BACE1: variants seen among roughly 807,000 people sequenced by gnomAD.
BACE1 encodes beta-secretase 1, also known as APP beta-secretase.
In BACE1, 21 loss-of-function variants were observed where a neutral mutation model predicts 54.0. The ratio of observed to expected loss-of-function variants is 0.39; its 90% CI spans 0.28 to 0.56. The LOEUF (loss-of-function observed/expected upper bound fraction) is 0.56. Ranked by LOEUF, BACE1 falls within the 20% of genes least tolerant of loss-of-function variation. BACE1 has a pLI of 0.63. For synonymous variants in BACE1, 232 were observed against 260.9 expected (o/e 0.89, Z 1.07); for missense variants, 511 against 661.2 (o/e 0.77, Z 2.49).
chr11:117,301,007 C>T (rs189803248), intron 1 of BACE1, among the ~76,000 whole-genome samples: 1 of 152,322 alleles, frequency 6.6e-6, no homozygotes, highest in Non-Finnish European at 1.5e-5. Flanking sequence ...CATTCTAAAA[C>T]TGGGTTTCGC....
rs758877731 is a variant in BACE1 at position 117,295,538 on chromosome 11, A to T, written c.351-191T>A. On this transcript the variant is annotated intron_variant, in intron 2 of 8. Transcript: ENST00000313005. ...GTAAAGTGGGCTTGCAGATAGATGA[A>T]GGGAACCATTGGTGAGGCTTGCTCT... 36 of 1,535,756 alleles carry T rather than the reference A, an allele frequency of 2.3e-5. No individual in the cohort carries two copies. The East Asian group carries it at 8.1e-4, about 34-fold the overall frequency.
At chr11:117,291,123 T>C in intron 6 of BACE1, 74 bp from the exon 7 acceptor site, 1 of 1,531,186 alleles carries the variant, frequency 6.5e-7, no homozygotes, top group South Asian at 1.2e-5. Flanking sequence ...TTCAGATACA[T>C]TAACTGGGCC....
chr11:117,303,003 C>T (rs1238825187), intron 1 of BACE1, among the ~76,000 whole-genome samples: 1 of 152,138 alleles, frequency 6.6e-6, no homozygotes, highest in Non-Finnish European at 1.5e-5. Context: ...TAAGGTATCA[C>T]GGTGCCTAGC....
chr11:117,307,935 G>A (rs1272414678), intron 1 of BACE1, among the ~76,000 whole-genome samples: 2 of 151,854 alleles, frequency 1.3e-5, no homozygotes, highest in Non-Finnish European at 2.9e-5. Context: ...CTTTGAGCTC[G>A]ATGGTTTTCA....
At position 117,293,388 on chromosome 11, in the gene BACE1, G is replaced by T; in HGVS notation, c.706-200C>A. The T allele has an allele frequency of 8.7e-6, 4 of 462,098 alleles. No homozygotes were observed. Among genetic ancestry groups the T allele is most frequent in the Middle Eastern group, 5.9e-4 (1 of 1,708 alleles). The allele number at this position is 462,098 out of a possible 1,614,324, so 28.6% of individuals were successfully genotyped here. ...ATGTGTTCAGGAGAAAAGACTTTCC[G>T]GGATTTTTAATTATTTGTTTCAGAA... On this transcript the variant is annotated intron_variant, in intron 4 of 8. Coordinates refer to ENST00000313005, the MANE Select transcript of BACE1 (RefSeq NM_012104.6). This position sits in a 1 kb window ranked among gnomAD's most constrained non-coding sequence, Gnocchi z 4.1.
At chr11:117,300,897 A>G (rs1384112608) in intron 1 of BACE1, among the ~76,000 whole-genome samples, 2 of 152,018 alleles carry the variant, frequency 1.3e-5, no homozygotes, top group African/African-American at 4.8e-5. Flanking sequence ...AACTTCCTTA[A>G]TCTCACATCC....
intron 1 of BACE1, chr11:117,314,702 GTGCCACCTCCACCAGCCACCT>G (rs2035038793): frequency 1.3e-5 from 2 of 152,482 alleles, no homozygotes; most frequent in Admixed American, 1.3e-4. Flanking sequence ...GGTGCAGAGG[GTGCCACCTCCACCAGCCACCT>G]TGAAGGTACC....
In BACE1 at chr11:117,289,674, G is replaced by A. The variant is rs746528672; in HGVS notation, c.1398C>T (p.Cys466=). ...MTIAYVMAAI[C]ALFMLPLCLM... is the part of the protein sequence containing the mutation. ...GGCAGAGTGGCAGCATGAAGAGGGC[G>A]CAGATGGCAGCCATGACATAGGCTA... The change falls in exon 9 of 9, where the codon TGC becomes TGT. Residue 466 remains cysteine (C), a synonymous_variant. Coordinates refer to ENST00000313005, the MANE Select transcript of BACE1 (RefSeq NM_012104.6). 16 of 1,614,064 alleles carry A rather than the reference G, an allele frequency of 9.9e-6. No homozygotes were observed. The South Asian group carries it at 1.4e-4, about 14-fold the overall frequency.
rs1448064332 is a variant in BACE1 at position 117,296,959 on chromosome 11, G to A, written c.264C>T (p.Leu88=). Residue 88 remains leucine, a splice_region_variant and synonymous_variant, in exon 2 of 9, where the codon CTC becomes CTT. Transcript: ENST00000313005. ...TGCTGCCTGTATCCACCAGGATGTT[G>A]AGCTGTCAGAGAAAGGGGAGAGAAA... ...EMTVGSPPQT[L]NILVDTGSSN... 6.2e-7 allele frequency: 1 copy of A among 1,613,332 alleles called. No homozygotes were observed. Among genetic ancestry groups the A allele is most frequent in the South Asian group, 1.1e-5 (1 of 91,010 alleles).
chr11:117,289,480 G>T lies in BACE1; in HGVS notation c.*86C>A. On this transcript the variant is annotated 3_prime_UTR_variant, in exon 9 of 9. Transcript: ENST00000313005. The stretch of plus-strand genomic sequence containing the variant: ...GGGTCCTGAGGTGCTCTGGCCACAG[G>T]TGCCATCTGTGTCTCCTACTTGTGA... 1 of 1,532,576 alleles carries T rather than the reference G, an allele frequency of 6.5e-7. No homozygotes were observed. Among genetic ancestry groups the T allele is most frequent in the Non-Finnish European group, 8.8e-7 (1 of 1,138,216 alleles). 94.9% of individuals were successfully genotyped at this position (1,532,576 alleles called of 1,614,324 possible). A position where few individuals can be genotyped will look rare whatever the true frequency, so the allele number is the denominator to read the frequency against.
intron 1 of BACE1, among the ~76,000 whole-genome samples, chr11:117,305,570 G>A (rs999353224): frequency 2.6e-5 from 4 of 151,350 alleles, no homozygotes; most frequent in African/African-American, 7.3e-5. Context: ...TGGCTGGGTC[G>A]CCCCAAACCT....
In BACE1 at chr11:117,293,252, C is replaced by T; in HGVS notation, c.706-64G>A. 6.4e-7 allele frequency: 1 copy of T among 1,562,188 alleles called. No individual in the cohort carries two copies. The highest frequency in any genetic ancestry group is 1.2e-5 in the South Asian group (1 of 83,926). On this transcript the variant is annotated intron_variant, in intron 4 of 8. Coordinates refer to ENST00000313005, the MANE Select transcript of BACE1 (RefSeq NM_012104.6). The surrounding 1 kb of genome is among the most constrained non-coding windows in gnomAD (Gnocchi z 4.1). ...AGAAGGAGAGTGAGTCCCCCAAGGACCAAGCAATAAGATCAGTGATTTCTT... is the reference window on the plus strand; with the variant it reads ...AGAAGGAGAGTGAGTCCCCCAAGGATCAAGCAATAAGATCAGTGATTTCTT...
At chr11:117,297,510 C>T (rs931993083) in intron 1 of BACE1, among the ~76,000 whole-genome samples, 3 of 152,144 alleles carry the variant, frequency 2.0e-5, no homozygotes, top group Non-Finnish European at 2.9e-5. Flanking sequence ...GTCCCAGCTA[C>T]TCAGGAGGCT....
chr11:117,314,937 G>T (rs1199522651), intron 1 of BACE1, among the ~76,000 whole-genome samples: 2 of 152,160 alleles, frequency 1.3e-5, no homozygotes, highest in Non-Finnish European at 2.9e-5. Flanking sequence ...GACCGCGAGA[G>T]GGAGAAGGGG....
chr11:117,311,243 TGAG>T (rs2034937487), intron 1 of BACE1, among the ~76,000 whole-genome samples: 1 of 152,098 alleles, frequency 6.6e-6, no homozygotes. Context: ...CTCAGGAGCC[TGAG>T]GCAGGAGGAT....
chr11:117,293,844 A>AC lies in BACE1; in HGVS notation c.705+26dup. Reference sequence around the variant, plus strand: ...CACCCATCTCTCCCTCAATGCCAGGACCTCCCCTCTCTGAGGACCTACTCA... The same window carrying AC: ...CACCCATCTCTCCCTCAATGCCAGGACCCTCCCCTCTCTGAGGACCTACTCA... On this transcript the variant is annotated intron_variant, in intron 4 of 8. Coordinates refer to ENST00000313005, the MANE Select transcript of BACE1 (RefSeq NM_012104.6). The surrounding 1 kb of genome is among the most constrained non-coding windows in gnomAD (Gnocchi z 4.1). 1 of 1,595,324 alleles carries AC rather than the reference A, an allele frequency of 6.3e-7. No individual in the cohort carries two copies. Among genetic ancestry groups the AC allele is most frequent in the Non-Finnish European group, 8.5e-7 (1 of 1,170,796 alleles).
At position 117,289,794 on chromosome 11, in the gene BACE1, GA is replaced by G; in HGVS notation, c.1277del (p.Phe426SerfsTer31). On this transcript the variant is annotated frameshift_variant, in exon 9 of 9. Transcript: ENST00000313005. LOFTEE classifies it high-confidence loss of function. ...AVSACHVHDE[F>X]RTAAVEGPFV... Reference sequence around the variant, plus strand: ...AAGGGCCTTCCACCGCTGCCGTCCTGAACTCATCGTGCACTGGGGAGAGGGC... The same window carrying G: ...AAGGGCCTTCCACCGCTGCCGTCCTGACTCATCGTGCACTGGGGAGAGGGC... 1 of 1,613,970 alleles carries G rather than the reference GA, an allele frequency of 6.2e-7. No homozygotes were observed.
chr11:117,303,956 G>C (rs1396940978), intron 1 of BACE1, among the ~76,000 whole-genome samples: 1 of 152,198 alleles, frequency 6.6e-6, no homozygotes, highest in Non-Finnish European at 1.5e-5. Flanking sequence ...GAATCCGTTG[G>C]TTCTGACCAA....
chr11:117,315,733 G>A lies in BACE1; in HGVS notation c.63C>T (p.Gly21=). ...GGGGCAGCCGGATGCCGTGCTGGGTGCCGTGGGCAGGCAGCACTCCCGCGC... is the reference window on the plus strand; with the variant it reads ...GGGGCAGCCGGATGCCGTGCTGGGTACCGTGGGCAGGCAGCACTCCCGCGC... ...WMGAGVLPAH[G]TQHGIRLPLR... is the part of the protein sequence containing the mutation. Residue 21 remains glycine (G), a synonymous_variant, in exon 1 of 9, where the codon GGC becomes GGT. Transcript: ENST00000313005. The surrounding 1 kb of genome is among the most constrained non-coding windows in gnomAD (Gnocchi z 5.5). 2 of 1,479,410 alleles carry A rather than the reference G, an allele frequency of 1.4e-6. No homozygotes were observed. Among genetic ancestry groups the A allele is most frequent in the South Asian group, 2.7e-5 (2 of 74,504 alleles). The allele number at this position is 1,479,410 out of a possible 1,614,324, so 91.6% of individuals were successfully genotyped here. A position where few individuals can be genotyped will look rare whatever the true frequency, so the allele number is the denominator to read the frequency against.
Sources: allele counts gnomAD v4.1 joint callset (sites outside exome capture counted in the v4.1 genomes callset), GRCh38; gene constraint gnomAD v4.1.1; non-coding constraint Gnocchi (gnomAD v3.1); transcripts MANE v1.5; gene names NCBI Gene and HGNC (gene_info 2026-07-23, HGNC 2026-07-21).